LAMC3: variants seen among roughly 807,000 people sequenced by gnomAD.
The protein encoded by LAMC3 is laminin subunit gamma-3.
A neutral mutation model predicts 173.8 loss-of-function variants in LAMC3; 128 were observed. The ratio of observed to expected loss-of-function variants is 0.74; its 90% CI spans 0.64 to 0.85. The LOEUF is 0.85. Ranked by LOEUF, LAMC3 falls within the 40% of genes least tolerant of loss-of-function variation. LAMC3 has a pLI of 0.00. For missense variants in LAMC3, 2,022 were observed against 2,156.0 expected (o/e 0.94, Z 1.23); for synonymous variants, 897 against 909.1 (o/e 0.99, Z 0.24).
Position 131,087,544 on chromosome 9 carries a change from G to C in LAMC3, c.4299G>C (p.Thr1433=), listed in dbSNP as rs985678555. The C allele has an allele frequency of 1.2e-6, 2 of 1,613,726 alleles. No individual in the cohort carries two copies. The highest frequency in any genetic ancestry group is 1.7e-5 in the Admixed American group (1 of 60,008). Residue 1433 remains threonine, a synonymous_variant, in exon 26 of 28, where the codon ACG becomes ACC. Coordinates refer to ENST00000361069, the MANE Select transcript of LAMC3 (RefSeq NM_006059.4). ...HRRASRLTSQ[T]QATLQQASQQ... is the part of the protein sequence containing the mutation. ...GTGCCAGCAGGCTCACCAGCCAGAC[G>C]CAAGCCACGCTCCAACAGGCGTCCC...
intron 25 of LAMC3, among the ~76,000 whole-genome samples, chr9:131,086,167 C>G (rs1200991695): frequency 1.3e-5 from 2 of 152,120 alleles, no homozygotes; most frequent in Admixed American, 1.3e-4. Context: ...CAATCTCCGC[C>G]TCCTGGGTTC....
rs199833694 is a variant in LAMC3, at chr9:131,052,712, G to A, written c.1823+29G>A. 206 of 1,596,422 alleles carry A rather than the reference G, an allele frequency of 1.3e-4. No individual in the cohort carries two copies. The African/African-American group carries it at 2.3e-3, about 18-fold the overall frequency. On this transcript the variant is annotated intron_variant, in intron 10 of 27. Coordinates refer to ENST00000361069, the MANE Select transcript of LAMC3 (RefSeq NM_006059.4). ...AGTATCCCCTTCTGTCCTGAGAGAT[G>A]GGGAGGTGAGAGGGGTGGTCTCTGA...
intron 1 of LAMC3, among the ~76,000 whole-genome samples, chr9:131,011,771 G>A (rs1247447390): frequency 6.6e-6 from 1 of 152,106 alleles, no homozygotes; most frequent in African/African-American, 2.4e-5. Flanking sequence ...GGGAGACACA[G>A]TGCTCCATGA....
intron 9 of LAMC3, among the ~76,000 whole-genome samples, chr9:131,051,014 C>T (rs569183074): frequency 5.3e-5 from 8 of 152,308 alleles, no homozygotes; most frequent in South Asian, 4.1e-4. Context: ...CGGGGCTCCC[C>T]GCTTCAGGCC....
chr9:131,013,192 C>T (rs1833455859), intron 1 of LAMC3, among the ~76,000 whole-genome samples: 1 of 152,224 alleles, frequency 6.6e-6, no homozygotes, highest in Admixed American at 6.5e-5. Flanking sequence ...GGTCGCACAA[C>T]TCAATAAATG....
chr9:131,072,682 G>A lies in LAMC3; in HGVS notation c.3264G>A (p.Lys1088=). 1 of 1,611,664 alleles carries A rather than the reference G, an allele frequency of 6.2e-7. No homozygotes were observed. Among genetic ancestry groups the A allele is most frequent in the Non-Finnish European group, 8.5e-7 (1 of 1,179,862 alleles). The change falls in exon 19 of 28, where the codon AAG becomes AAA. Residue 1088 remains lysine (K), a synonymous_variant. Transcript: ENST00000361069. ...EQMMSLEGAV[K]AAREQLQRLN... ...TGATGAGCCTCGAGGGTGCTGTCAA[G>A]GCCGCCCGGGAGCAGCTGCAGAGGC... is the stretch of plus-strand genomic sequence containing the variant.
At chr9:131,066,491 T>C (rs1315623506) in intron 13 of LAMC3, among the ~76,000 whole-genome samples, 4 of 141,062 alleles carry the variant, frequency 2.8e-5, no homozygotes, top group African/African-American at 1.2e-4. Flanking sequence ...AGACTCCATC[T>C]CAATAATAAT....
At chr9:131,059,018 T>G (rs939194220) in intron 12 of LAMC3, among the ~76,000 whole-genome samples, 2 of 147,220 alleles carry the variant, frequency 1.4e-5, no homozygotes, top group Non-Finnish European at 3.0e-5. Flanking sequence ...GCCAACATGG[T>G]GAAACCCTGT....
At position 131,020,842 on chromosome 9, in the gene LAMC3, C is replaced by T. The variant is rs1021071771; in HGVS notation, c.374-5443C>T. On this transcript the variant is annotated intron_variant, in intron 1 of 27. Coordinates refer to ENST00000361069, the MANE Select transcript of LAMC3 (RefSeq NM_006059.4). ...GAGGAAGGAGGGTGCCTTTATTTTT[C>T]CCCCCCAAATACATGTAACACAAAC... Among the ~76,000 whole-genome samples the T allele has an allele frequency of 4.6e-5, 7 of 152,086 alleles. No homozygotes were observed. The South Asian group carries it at 6.2e-4, about 14-fold the overall frequency.
At position 131,091,718 on chromosome 9, in the gene LAMC3, C is replaced by T; in HGVS notation, c.4659C>T (p.Ile1553=). The change falls in exon 28 of 28, where the codon ATC becomes ATT. Residue 1553 remains isoleucine, a synonymous_variant. Transcript: ENST00000361069. The part of the protein sequence containing the change: ...IQGFESDLAE[I]RADKQNLEAI... ...GCTTCGAGAGTGACCTCGCCGAGAT[C>T]CGCGCCGACAAACAGAACCTGGAGG... The T allele has an allele frequency of 6.2e-7, 1 of 1,612,888 alleles. No homozygotes were observed. Among genetic ancestry groups the T allele is most frequent in the Non-Finnish European group, 8.5e-7 (1 of 1,179,764 alleles).
intron 14 of LAMC3, among the ~76,000 whole-genome samples, chr9:131,067,543 C>G (rs934060057): frequency 2.0e-5 from 3 of 152,226 alleles, no homozygotes; most frequent in Admixed American, 2.0e-4. Flanking sequence ...CTCCCCTCAT[C>G]ACCTCAGTTA....
chr9:131,051,261 G>T (rs1834282112), intron 9 of LAMC3, among the ~76,000 whole-genome samples: 1 of 151,700 alleles, frequency 6.6e-6, no homozygotes, highest in Non-Finnish European at 1.5e-5. Context: ...CCCTTTATTT[G>T]TCATGGTGTT....
chr9:131,038,752 C>A, intron 4 of LAMC3, 112 bp from the exon 5 acceptor site: 2 of 1,090,910 alleles, frequency 1.8e-6, no homozygotes, highest in Non-Finnish European at 2.8e-6. Flanking sequence ...CATGCTCTTG[C>A]CCTTCTCTTT....
intron 23 of LAMC3, among the ~76,000 whole-genome samples, chr9:131,080,671 C>T (rs10901346): frequency 0.46 from 69,534 of 151,770 alleles, 16,058 homozygotes; most frequent in Non-Finnish European, 0.48. Context: ...GCCGCTTACC[C>T]GGGGAGTTTG....
chr9:131,043,566 T>G (rs1834094980), intron 7 of LAMC3, among the ~76,000 whole-genome samples: 1 of 152,154 alleles, frequency 6.6e-6, no homozygotes, highest in Non-Finnish European at 1.5e-5. Context: ...AGCAACAAAA[T>G]AAACGATAGT....
rs78006375 is a variant in LAMC3 at position 131,017,745 on chromosome 9, G to A, written c.373+8158G>A. 4.1e-5 allele frequency among the ~76,000 whole-genome samples: 5 copies of A among 121,908 alleles called. 1 individual carries two copies. Among genetic ancestry groups the A allele is most frequent in the South Asian group, 5.4e-4 (2 of 3,676 alleles). The allele number at this position is 121,908 out of a possible 152,430, so 80.0% of individuals were successfully genotyped here. On this transcript the variant is annotated intron_variant, in intron 1 of 27. Coordinates refer to ENST00000361069, the MANE Select transcript of LAMC3 (RefSeq NM_006059.4). ...AAAAAAAAAAAAAAAAAAAAAAAAG[G>A]CCAGGTGCAGTAGTTCACACCTGTA...
chr9:131,069,942 C>T (rs1830011707), intron 17 of LAMC3, 92 bp downstream of exon 17: 5 of 1,312,522 alleles, frequency 3.8e-6, no homozygotes, highest in African/African-American at 2.9e-5. Flanking sequence ...TGCCTGCTTA[C>T]CCCCAGTGCT....
At chr9:131,030,798 C>G (rs1454950647) in intron 2 of LAMC3, among the ~76,000 whole-genome samples, 1 of 152,248 alleles carries the variant, frequency 6.6e-6, no homozygotes, top group East Asian at 1.9e-4. Context: ...TTCCCCACCC[C>G]AGGCCTCAGC....
At chr9:131,052,402 A>G (rs1385850853) in intron 9 of LAMC3, 89 bp from the exon 10 acceptor site, 1 of 1,221,014 alleles carries the variant, frequency 8.2e-7, no homozygotes, top group Non-Finnish European at 1.2e-6. Context: ...ATCTTTTTTG[A>G]ATGTTTAGTT....
Sources: allele counts gnomAD v4.1 joint callset (sites outside exome capture counted in the v4.1 genomes callset), GRCh38; gene constraint gnomAD v4.1.1; transcripts MANE v1.5; gene names NCBI Gene and HGNC (gene_info 2026-07-23, HGNC 2026-07-21).